Variants in PDZRN4 observed in about 807,000 individuals in gnomAD.
PDZRN4 encodes PDZ domain containing ring finger 4.
Under a neutral mutation model 99.0 loss-of-function variants are expected in PDZRN4, and 70 were observed. The ratio of observed to expected loss-of-function variants is 0.71; its 90% CI spans 0.58 to 0.86. The LOEUF is 0.86. Among genes scored for constraint, PDZRN4 ranks in the 40% least tolerant of loss-of-function variants. The probability of loss-of-function intolerance (pLI) is 0.00; values close to 1 mark genes in which losing one functional copy is unlikely to be tolerated. For missense variants in PDZRN4, 1,474 were observed against 1,331.2 expected, an observed-to-expected ratio of 1.11 and a Z score of -1.67; for synonymous variants, 551 against 501.6, an observed-to-expected ratio of 1.10 and a Z score of -1.32.
chr12:41,529,606 A>G (rs1938625910), intron 5 of PDZRN4, among the ~76,000 whole-genome samples: 1 of 152,204 alleles, frequency 6.6e-6, no homozygotes, highest in South Asian at 2.1e-4. Flanking sequence ...ATTAATATCT[A>G]TTATTCATTA....
chr12:41,518,139 C>T (rs1291331041), intron 5 of PDZRN4, among the ~76,000 whole-genome samples: 2 of 151,868 alleles, frequency 1.3e-5, no homozygotes, highest in African/African-American at 2.4e-5. Flanking sequence ...ATTAGGATTA[C>T]AGTTCTCCTT....
intron 3 of PDZRN4, among the ~76,000 whole-genome samples, chr12:41,285,968 T>G (rs117923799): frequency 0.011 from 1,732 of 152,176 alleles, 53 homozygotes; most frequent in East Asian, 0.097. Flanking sequence ...ACGTGCACTT[T>G]CTGCACATGT....
At chr12:41,285,100 C>T (rs897304049) in intron 3 of PDZRN4, among the ~76,000 whole-genome samples, 3 of 152,082 alleles carry the variant, frequency 2.0e-5, no homozygotes, top group Non-Finnish European at 4.4e-5. Flanking sequence ...ATTTTGCAAT[C>T]TATCCATCTG....
intron 9 of PDZRN4, among the ~76,000 whole-genome samples, chr12:41,570,432 A>G (rs2120856157): frequency 6.6e-6 from 1 of 152,322 alleles, no homozygotes; most frequent in East Asian, 1.9e-4. Flanking sequence ...GAAAGGGGAT[A>G]TTCAATTGAA....
chr12:41,563,608 T>C lies in PDZRN4; in HGVS notation c.1426T>C (p.Cys476Arg). Reference sequence around the variant, plus strand: ...AGTGGCCTTGCTGTCTAACGATGAGTGTAAGAGAATCGTGCTGCTTGTTGC... The same window carrying C: ...AGTGGCCTTGCTGTCTAACGATGAGCGTAAGAGAATCGTGCTGCTTGTTGC... Reference protein sequence around the residue: ...EAVALLSNDECKRIVLLVARP... With the variant: ...EAVALLSNDERKRIVLLVARP... The change falls in exon 8 of 10, where the codon TGT becomes CGT. Residue 476 changes from cysteine to arginine, a missense_variant. By Grantham distance (180) the Cys-to-Arg change is radical. Transcript: ENST00000402685. 6.2e-7 allele frequency: 1 copy of C among 1,613,438 alleles called. No homozygotes were observed. The highest frequency in any genetic ancestry group is 8.5e-7 in the Non-Finnish European group (1 of 1,179,576).
At chr12:41,454,278 TA>T (rs758618309) in intron 3 of PDZRN4, among the ~76,000 whole-genome samples, 1 of 152,164 alleles carries the variant, frequency 6.6e-6, no homozygotes, top group African/African-American at 2.4e-5. Context: ...TTGAATGTGT[TA>T]GGGGAAAAAT....
chr12:41,405,371 G>C (rs1952338774), intron 3 of PDZRN4, among the ~76,000 whole-genome samples: 4 of 152,158 alleles, frequency 2.6e-5, no homozygotes, highest in Admixed American at 2.0e-4. Context: ...AATTATCAGA[G>C]AAATGCAAAT....
chr12:41,512,331 A>T, intron 5 of PDZRN4, among the ~76,000 whole-genome samples: 1 of 152,054 alleles, frequency 6.6e-6, no homozygotes, highest in East Asian at 1.9e-4. Context: ...CAATGGTGAG[A>T]AGTACTAATG....
At chr12:41,457,660 T>C (rs552514149) in intron 3 of PDZRN4, among the ~76,000 whole-genome samples, 1 of 152,326 alleles carries the variant, frequency 6.6e-6, no homozygotes, top group South Asian at 2.1e-4. Context: ...TTATTTTCCT[T>C]GTACCAATGT....
intron 3 of PDZRN4, among the ~76,000 whole-genome samples, chr12:41,434,837 C>T (rs1952615384): frequency 6.6e-6 from 1 of 152,088 alleles, no homozygotes; most frequent in South Asian, 2.1e-4. Flanking sequence ...TTATTATTGC[C>T]CAAGACAGAT....
intron 3 of PDZRN4, among the ~76,000 whole-genome samples, chr12:41,277,362 C>G (rs758838597): frequency 6.6e-6 from 1 of 152,060 alleles, no homozygotes; most frequent in Non-Finnish European, 1.5e-5. Context: ...ACTACAAGGC[C>G]GTTGCTGAAA....
intron 3 of PDZRN4, among the ~76,000 whole-genome samples, chr12:41,386,603 T>C (rs1393847404): frequency 1.3e-5 from 2 of 152,110 alleles, no homozygotes; most frequent in Non-Finnish European, 2.9e-5. Context: ...TTGCATTCTT[T>C]ATAGAACTAG....
chr12:41,406,364 G>GA (rs1952350226), intron 3 of PDZRN4, among the ~76,000 whole-genome samples: 2 of 152,014 alleles, frequency 1.3e-5, no homozygotes, highest in African/African-American at 2.4e-5. Context: ...ATGTATAAAA[G>GA]AAAAAATCAA....
chr12:41,467,100 G>C (rs750038609), intron 3 of PDZRN4, among the ~76,000 whole-genome samples: 1 of 152,126 alleles, frequency 6.6e-6, no homozygotes, highest in African/African-American at 2.4e-5. Context: ...GCATTACAGC[G>C]CAAAATAGCT....
intron 3 of PDZRN4, among the ~76,000 whole-genome samples, chr12:41,318,889 T>C (rs747363329): frequency 6.6e-6 from 1 of 152,152 alleles, no homozygotes; most frequent in Non-Finnish European, 1.5e-5. Flanking sequence ...TAATTATCAT[T>C]TAATAATTTG....
rs558507516 is a variant in PDZRN4 at position 41,192,581 on chromosome 12, G to A, written c.735+1037G>A. On this transcript the variant is annotated intron_variant, in intron 2 of 9. Coordinates refer to ENST00000402685, the MANE Select transcript of PDZRN4 (RefSeq NM_001164595.2). ...GGCAATTTCTATTTGATAATATTAGGCAATTGTATTGCCTGCTTAAACCTA... is the reference window on the plus strand; with the variant it reads ...GGCAATTTCTATTTGATAATATTAGACAATTGTATTGCCTGCTTAAACCTA... Among the ~76,000 whole-genome samples, 15 of 152,208 alleles carry A rather than the reference G, an allele frequency of 9.9e-5. No homozygotes were observed. In the East Asian group the frequency reaches 2.5e-3, roughly 25 times the overall value.
chr12:41,224,167 T>C (rs1950977390), intron 3 of PDZRN4, among the ~76,000 whole-genome samples: 1 of 152,204 alleles, frequency 6.6e-6, no homozygotes, highest in Non-Finnish European at 1.5e-5. Context: ...GTCCAGAAAC[T>C]ATCATTTAAT....
chr12:41,547,020 A>T (rs1938965062), intron 5 of PDZRN4, among the ~76,000 whole-genome samples: 2 of 152,218 alleles, frequency 1.3e-5, no homozygotes, highest in Admixed American at 6.5e-5. Flanking sequence ...CTAATAAATG[A>T]TCATTTTAAT....
At chr12:41,230,760 A>G (rs1359201082) in intron 3 of PDZRN4, among the ~76,000 whole-genome samples, 2 of 152,100 alleles carry the variant, frequency 1.3e-5, no homozygotes, top group Admixed American at 1.3e-4. Context: ...CAATTATTTT[A>G]GAAATTTTCA....
Sources: gnomAD v4.1 joint callset for allele counts (sites outside exome capture counted in the v4.1 genomes callset) on GRCh38, gnomAD v4.1.1 for gene constraint, MANE v1.5 for transcripts, NCBI Gene and HGNC (gene_info 2026-07-23, HGNC 2026-07-21) for gene names.